The following EXOSC10 variants were observed in gnomAD, a reference collection of about 807,000 sequenced individuals.
The protein encoded by EXOSC10 is exosome component 10, also known as exosome complex component 10.
EXOSC10 carries 94 observed loss-of-function variants against 126.6 expected under a neutral mutation model. The ratio of observed to expected loss-of-function variants is 0.74; its 90% confidence interval spans 0.63 to 0.88. The LOEUF (loss-of-function observed/expected upper bound fraction) is 0.88, where lower values mean the gene tolerates loss of function less well. Among genes scored for constraint, EXOSC10 ranks in the 40% least tolerant of loss-of-function variants. The pLI is 0.00. For missense variants in EXOSC10, 1,041 were observed against 1,100.5 expected (o/e 0.95, Z 0.77); for synonymous variants, 395 against 400.8 (o/e 0.99, Z 0.17).
At chr1:11,068,411 C>T (rs749240082) in intron 23 of EXOSC10, 14 of 596,320 alleles carry the variant, frequency 2.3e-5, no homozygotes, top group Non-Finnish European at 3.9e-5. Context: ...AGCTATAGTT[C>T]CCATGGTAGC....
intron 14 of EXOSC10, among the ~76,000 whole-genome samples, chr1:11,078,653 T>C (rs1293816180): frequency 6.6e-6 from 1 of 152,244 alleles, no homozygotes; most frequent in Non-Finnish European, 1.5e-5. Context: ...TCTTTTCTTC[T>C]GATGCTTCCT....
intron 10 of EXOSC10, among the ~76,000 whole-genome samples, chr1:11,081,482 A>G (rs1640164894): frequency 6.6e-6 from 1 of 152,206 alleles, no homozygotes; most frequent in African/African-American, 2.4e-5. Flanking sequence ...GCTACTCTGG[A>G]CACACACAAG....
At chr1:11,098,455 T>C (rs1641237800) in intron 1 of EXOSC10, among the ~76,000 whole-genome samples, 1 of 152,214 alleles carries the variant, frequency 6.6e-6, no homozygotes, top group East Asian at 1.9e-4. Context: ...ACTGAGATCT[T>C]GGACAAGTGA....
intron 4 of EXOSC10, 68 bp from the exon 5 acceptor site, chr1:11,091,247 T>A (rs1318850277): frequency 1.4e-6 from 2 of 1,461,000 alleles, no homozygotes; most frequent in Non-Finnish European, 1.9e-6. Flanking sequence ...AAATTCCAAT[T>A]TATGACTTCT....
chr1:11,084,544 G>A (rs1176960829), intron 9 of EXOSC10, among the ~76,000 whole-genome samples: 1 of 152,134 alleles, frequency 6.6e-6, no homozygotes, highest in Non-Finnish European at 1.5e-5. Context: ...AGATGAGTAG[G>A]TTGCGAAGAT....
intron 3 of EXOSC10, chr1:11,095,349 T>G (rs1641018405): frequency 6.5e-6 from 1 of 153,398 alleles, no homozygotes; most frequent in Non-Finnish European, 1.5e-5. Context: ...CCTTTTCATT[T>G]TCTAAGGTGC....
intron 14 of EXOSC10, among the ~76,000 whole-genome samples, chr1:11,078,136 A>C (rs1323637456): frequency 6.6e-6 from 1 of 152,106 alleles, no homozygotes; most frequent in African/African-American, 2.4e-5. Context: ...ATAGCTGGGT[A>C]TGGTGGTGTA....
At position 11,068,144 on chromosome 1, in the gene EXOSC10, A is replaced by G. The variant is rs557866410; in HGVS notation, c.2551-60T>C. 1.7e-5 allele frequency: 23 copies of G among 1,385,668 alleles called. No homozygotes were observed. The Admixed American group carries it at 3.9e-4, about 23-fold the overall frequency. The allele number at this position is 1,385,668 out of a possible 1,614,324, so 85.8% of individuals were successfully genotyped here. ...CACCTTGACCACAAGATACACAGAA[A>G]AACACACCTGAGCTCAGGTGGCCAA... On this transcript the variant is annotated intron_variant, in intron 23 of 24. Transcript: ENST00000376936.
At chr1:11,080,404 G>A in intron 13 of EXOSC10, 95 bp downstream of exon 13, 2 of 1,445,818 alleles carry the variant, frequency 1.4e-6, no homozygotes, top group Middle Eastern at 1.8e-4. Context: ...CTCTGAGTAA[G>A]CAGCCTTGGG....
At chr1:11,092,382 T>G (rs192780080) in intron 3 of EXOSC10, among the ~76,000 whole-genome samples, 1 of 151,532 alleles carries the variant, frequency 6.6e-6, no homozygotes, top group Non-Finnish European at 1.5e-5. Flanking sequence ...GCCCAGCTAA[T>G]TTTTGTATTT....
At chr1:11,085,042 A>G (rs894635446) in intron 9 of EXOSC10, among the ~76,000 whole-genome samples, 3 of 152,266 alleles carry the variant, frequency 2.0e-5, no homozygotes, top group African/African-American at 7.2e-5. Flanking sequence ...CTTGTAGTAT[A>G]GTTTGAAGTC....
In EXOSC10 at chr1:11,080,156, C is replaced by G. The variant is rs181093131; in HGVS notation, c.1638-334G>C. Among the ~76,000 whole-genome samples the G allele has an allele frequency of 3.9e-5, 6 of 152,292 alleles. No individual in the cohort carries two copies. In the East Asian group the frequency reaches 9.6e-4, roughly 24 times the overall value. ...CTTGCTTATACTTCAATCAAGATCA[C>G]AAAACGTTTAAGATCATGAGCTGCT... On this transcript the variant is annotated intron_variant, in intron 13 of 24. Transcript: ENST00000376936.
chr1:11,089,996 CTTTTT>C (rs70977545), intron 6 of EXOSC10, among the ~76,000 whole-genome samples: 2 of 106,480 alleles, frequency 1.9e-5, no homozygotes, highest in Non-Finnish European at 1.9e-5. Flanking sequence ...GCTTTTACAT[CTTTTT>C]TTTTTTTTTT....
intron 7 of EXOSC10, 32 bp from the exon 8 acceptor site, chr1:11,087,942 G>A (rs1211456762): frequency 7.0e-7 from 1 of 1,425,998 alleles, no homozygotes; most frequent in Non-Finnish European, 9.8e-7. Context: ...AAAAAGGGAG[G>A]AATATAGAAA....
Position 11,098,161 on chromosome 1 carries a change from CA to C in EXOSC10, c.112-6del. On this transcript the variant is annotated splice_polypyrimidine_tract_variant and splice_region_variant and intron_variant, in intron 1 of 24. Transcript: ENST00000376936. ...CACCACGGACCCAAGAGCAAACTGT[CA>C]AAAACAAGAAAAGATGGCATGTTTA... is the stretch of plus-strand genomic sequence containing the variant. 6.3e-7 allele frequency: 1 copy of C among 1,587,316 alleles called. No homozygotes were observed. The highest frequency in any genetic ancestry group is 8.5e-7 in the Non-Finnish European group (1 of 1,172,604).
At chr1:11,095,382 A>G (rs925261844) in intron 3 of EXOSC10, 4 of 165,402 alleles carry the variant, frequency 2.4e-5, no homozygotes, top group South Asian at 1.6e-4. Context: ...GTCTATCCGT[A>G]TATTTTAATA....
In EXOSC10 at chr1:11,091,618, G is replaced by A. The variant is rs375960056; in HGVS notation, c.373-21C>T. ...ATACCCTAAGAGTAGAAGAGGTACT[G>A]GTTAAGCATTTTTCCTTTTGAGGTT... On this transcript the variant is annotated intron_variant, in intron 3 of 24. Transcript: ENST00000376936. 6 of 1,583,940 alleles carry A rather than the reference G, an allele frequency of 3.8e-6. No individual in the cohort carries two copies. The African/African-American group carries it at 8.1e-5, about 21-fold the overall frequency.
Position 11,077,381 on chromosome 1 carries a change from T to A in EXOSC10, c.1863A>T (p.Pro621=), listed in dbSNP as rs1343310905. 1 of 1,611,978 alleles carries A rather than the reference T, an allele frequency of 6.2e-7. No individual in the cohort carries two copies. The highest frequency in any genetic ancestry group is 1.3e-5 in the African/African-American group (1 of 75,052). The change falls in exon 16 of 25, where the codon CCA becomes CCT. Residue 621 remains proline (P), a synonymous_variant. Coordinates refer to ENST00000376936, the MANE Select transcript of EXOSC10 (RefSeq NM_001001998.3). ...DCSHAPPDGY[P]IIPTSGSVPV... is the part of the protein sequence containing the mutation. ...CGACTTTACCACTGGTTGGGATGAT[T>A]GGATAGCCATCCGGAGGGGCATGGG...
At chr1:11,085,722 G>T (rs2100993389) in intron 9 of EXOSC10, among the ~76,000 whole-genome samples, 1 of 151,998 alleles carries the variant, frequency 6.6e-6, no homozygotes, top group African/African-American at 2.4e-5. Flanking sequence ...AATGCTTCCA[G>T]TTTTTGCCCA....
Sources: gnomAD v4.1 joint callset for allele counts (sites outside exome capture counted in the v4.1 genomes callset) on GRCh38, gnomAD v4.1.1 for gene constraint, MANE v1.5 for transcripts, NCBI Gene and HGNC (gene_info 2026-07-23, HGNC 2026-07-21) for gene names.